Variants in CNOT1 observed in about 807,000 individuals in gnomAD.
The protein encoded by CNOT1 is CCR4-associated factor 1.
A neutral mutation model predicts 273.8 loss-of-function variants in CNOT1; 15 were observed. That is an observed-to-expected ratio of 0.05 (90% CI 0.04 to 0.08). CNOT1 has a LOEUF of 0.08. Among genes scored for constraint, CNOT1 ranks in the 10% least tolerant of loss-of-function variants. The pLI, the probability that CNOT1 is intolerant of heterozygous loss-of-function variation, is 1.00. For missense variants in CNOT1, 1,644 were observed against 2,912.2 expected, an observed-to-expected ratio of 0.56 and a Z score of 10.02; for synonymous variants, 1,022 against 1,005.5, an observed-to-expected ratio of 1.02 and a Z score of -0.31.
chr16:58,605,113 G>T (rs2042625024), intron 1 of CNOT1, among the ~76,000 whole-genome samples: 1 of 152,076 alleles, frequency 6.6e-6, no homozygotes, highest in South Asian at 2.1e-4. Context: ...TGCAGCGTAG[G>T]CGACAGAGCA....
Position 58,525,270 on chromosome 16 carries a change from G to A in CNOT1, c.6693C>T (p.His2231=), listed in dbSNP as rs777429296. The change falls in exon 46 of 49, where the codon CAC becomes CAT. Residue 2231 remains histidine (H), a synonymous_variant. Transcript: ENST00000317147. ...TCATTGAAGGTGTGCTGCCCTTGTT[G>A]TGGATGTGCGCAATGGCCTGAGTCC... The part of the protein sequence containing the change: ...YVGTQAIAHI[H]NKGSTPSMST... The A allele has an allele frequency of 3.0e-5, 48 of 1,614,018 alleles. 1 individual carries two copies. Among genetic ancestry groups the A allele is most frequent in the Non-Finnish European group, 3.9e-5 (46 of 1,180,034 alleles).
intron 32 of CNOT1, 21 bp from the exon 33 acceptor site, chr16:58,542,356 TG>T: frequency 6.2e-7 from 1 of 1,613,902 alleles, no homozygotes; most frequent in Non-Finnish European, 8.5e-7. Context: ...AAAAAGTCAC[TG>T]AGGTTCTTGT....
chr16:58,548,701 T>A lies in CNOT1; in HGVS notation c.3522+1018A>T, dbSNP rs1597438390. The A allele has an allele frequency of 1.3e-5, 6 of 450,228 alleles. No individual in the cohort carries two copies. The East Asian group carries it at 3.5e-4, about 26-fold the overall frequency. The allele number at this position is 450,228 out of a possible 1,614,324, so 27.9% of individuals were successfully genotyped here. On this transcript the variant is annotated intron_variant, in intron 25 of 48. Transcript: ENST00000317147. ...CACAGCTGTATGCTGGTTCTAGAAG[T>A]TTTTCCTCCTAAGAAATAAATGATG...
intron 44 of CNOT1, 127 bp from the exon 45 acceptor site, chr16:58,526,265 G>T: frequency 1.2e-6 from 1 of 842,926 alleles, no homozygotes; most frequent in Non-Finnish European, 1.8e-6. Flanking sequence ...GAGCACAGCT[G>T]CCACATTTTA....
Position 58,586,617 on chromosome 16 carries a change from G to C in CNOT1, c.565C>G (p.Leu189Val). ...EVLHLLLSHL[L>V]FGQKGAFGVG... ...CCAAAGGCTCCCTTCTGCCCAAAGA[G>C]GAGATGGGAGAGGAGGAGGTGTAGG... Residue 189 changes from leucine (L) to valine (V), a missense_variant, in exon 7 of 49, where the codon CTC becomes GTC. By Grantham distance (32) the Leu-to-Val change is conservative (BLOSUM62 1). This residue lies in a region of CNOT1 where 706 missense variants were observed against 1,021.2 expected (regional missense o/e 0.69). Transcript: ENST00000317147. 6.2e-7 allele frequency: 1 copy of C among 1,612,906 alleles called. No homozygotes were observed.
At chr16:58,554,952 A>AAAAAAAAAAAAAAAAC (rs1381342315) in intron 21 of CNOT1, among the ~76,000 whole-genome samples, 1 of 138,906 alleles carries the variant, frequency 7.2e-6, no homozygotes, top group Non-Finnish European at 1.6e-5. Context: ...AAAAAAAAAA[A>AAAAAAAAAAAAAAAAC]AGCTTCAGGC....
intron 1 of CNOT1, among the ~76,000 whole-genome samples, chr16:58,603,607 A>G (rs868802117): frequency 9.9e-5 from 15 of 151,452 alleles, no homozygotes; most frequent in Middle Eastern, 3.4e-3. Flanking sequence ...TTCCTCTTAT[A>G]CTCTTCTTCC....
chr16:58,581,878 G>A (rs1169231088), intron 10 of CNOT1, among the ~76,000 whole-genome samples: 8 of 151,990 alleles, frequency 5.3e-5, no homozygotes, highest in Non-Finnish European at 1.2e-4. Context: ...GGCCAGGATG[G>A]TATCAAACTC....
At chr16:58,590,526 C>T (rs899882315) in intron 2 of CNOT1, among the ~76,000 whole-genome samples, 3 of 151,872 alleles carry the variant, frequency 2.0e-5, no homozygotes, top group African/African-American at 4.8e-5. Context: ...ACCCAGGAGG[C>T]GGAGGTTGCA....
At chr16:58,610,229 C>T (rs2042845854) in intron 1 of CNOT1, among the ~76,000 whole-genome samples, 1 of 152,188 alleles carries the variant, frequency 6.6e-6, no homozygotes, top group South Asian at 2.1e-4. Context: ...ACCAGCCTTG[C>T]CAACATGGCA....
chr16:58,599,066 A>AAAC, intron 2 of CNOT1, 170 bp downstream of exon 2: 1 of 807,116 alleles, frequency 1.2e-6, no homozygotes, highest in South Asian at 1.9e-5. Context: ...AAAAAAAAAA[A>AAAC]AAAAGATTGG....
chr16:58,625,811 T>C (rs1379503042), intron 1 of CNOT1, among the ~76,000 whole-genome samples: 1 of 149,640 alleles, frequency 6.7e-6, no homozygotes, highest in Non-Finnish European at 1.5e-5. Context: ...TGAGCAGGGA[T>C]TGTGCCGCTG....
At chr16:58,527,215 G>T (rs926576351) in intron 44 of CNOT1, among the ~76,000 whole-genome samples, 1 of 151,952 alleles carries the variant, frequency 6.6e-6, no homozygotes, top group African/African-American at 2.4e-5. Context: ...AGATGATGGG[G>T]TCAATAAAAA....
intron 1 of CNOT1, among the ~76,000 whole-genome samples, chr16:58,610,982 A>G (rs1023641570): frequency 1.3e-5 from 2 of 152,026 alleles, no homozygotes; most frequent in African/African-American, 4.8e-5. Context: ...GGTTGCAGTG[A>G]GCCGAGAGCA....
At chr16:58,595,969 G>T (rs773305884) in intron 2 of CNOT1, among the ~76,000 whole-genome samples, 3 of 152,204 alleles carry the variant, frequency 2.0e-5, no homozygotes, top group Non-Finnish European at 4.4e-5. Context: ...CCACAGAAAG[G>T]TATCAAAGGC....
chr16:58,559,852 T>C (rs1448730177), intron 17 of CNOT1: 1 of 539,526 alleles, frequency 1.9e-6, no homozygotes, highest in Non-Finnish European at 3.6e-6. Flanking sequence ...GCCCCAGTTA[T>C]AACAAGTCGT....
chr16:58,533,592 G>A (rs1253882954), intron 40 of CNOT1, among the ~76,000 whole-genome samples: 2 of 152,072 alleles, frequency 1.3e-5, no homozygotes, highest in Non-Finnish European at 1.5e-5. Flanking sequence ...CTGAGATCCC[G>A]CCACTGCACT....
chr16:58,528,026 T>G (rs1479417424), intron 44 of CNOT1: 1 of 381,604 alleles, frequency 2.6e-6, no homozygotes, highest in Admixed American at 3.4e-5. Flanking sequence ...GGCGGGAGAA[T>G]AGCTTGAACC....
chr16:58,546,067 C>T (rs1438400059), intron 29 of CNOT1, among the ~76,000 whole-genome samples: 1 of 152,072 alleles, frequency 6.6e-6, no homozygotes, highest in Non-Finnish European at 1.5e-5. Context: ...CCTGGCCTAG[C>T]TGGGGTATGA....
Sources: gnomAD v4.1 joint callset for allele counts (sites outside exome capture counted in the v4.1 genomes callset) on GRCh38, gnomAD v4.1.1 for gene constraint, gnomAD v4.1.1 regional missense constraint, MANE v1.5 for transcripts, NCBI Gene and HGNC (gene_info 2026-07-23, HGNC 2026-07-21) for gene names.